The following DAB2IP variants were observed in gnomAD, a reference collection of about 807,000 sequenced individuals.
DAB2IP encodes DAB2 interacting protein, also known as disabled homolog 2-interacting protein.
A neutral mutation model predicts 107.2 loss-of-function variants in DAB2IP; 28 were observed. That is an observed-to-expected ratio of 0.26 (90% CI 0.19 to 0.36). The LOEUF (loss-of-function observed/expected upper bound fraction) is 0.36. DAB2IP is among the 10% of genes least tolerant of loss of function. The pLI, the probability that DAB2IP is intolerant of heterozygous loss-of-function variation, is 1.00. For missense variants in DAB2IP, 1,400 were observed against 1,644.7 expected, an observed-to-expected ratio of 0.85 and a Z score of 2.57; for synonymous variants, 755 against 706.4, an observed-to-expected ratio of 1.07 and a Z score of -1.09.
chr9:121,784,589 G>A (rs1439511947), exon 16 of DAB2IP: 2 of 154,872 alleles, frequency 1.3e-5, no homozygotes, highest in African/African-American at 4.8e-5. Flanking sequence ...TTAATTGCAA[G>A]TCTGCCGATT....
intron 6 of DAB2IP, among the ~76,000 whole-genome samples, chr9:121,763,216 G>GT (rs918689195): frequency 6.6e-6 from 1 of 152,196 alleles, no homozygotes; most frequent in Non-Finnish European, 1.5e-5. Context: ...CTCTGTGGTG[G>GT]TGGGGGCTTG....
At chr9:121,624,839 T>G (rs1215543586) in intron 1 of DAB2IP, among the ~76,000 whole-genome samples, 1 of 152,234 alleles carries the variant, frequency 6.6e-6, no homozygotes, top group Non-Finnish European at 1.5e-5. Context: ...ACTGAGAAAG[T>G]TAAAAGACAG....
intron 13 of DAB2IP, among the ~76,000 whole-genome samples, chr9:121,775,022 TCACTCTGCCACA>T (rs1199648725): frequency 6.6e-6 from 1 of 152,186 alleles, no homozygotes; most frequent in Admixed American, 6.5e-5. Flanking sequence ...AATGAAACTC[TCACTCTGCCACA>T]CACTCTGCCA....
intron 4 of DAB2IP, among the ~76,000 whole-genome samples, 197 bp from the exon 5 acceptor site, chr9:121,758,701 G>A (rs1833663958): frequency 6.6e-6 from 1 of 152,146 alleles, no homozygotes; most frequent in South Asian, 2.1e-4. Flanking sequence ...GACTTGCCCT[G>A]GGACAGTGGC....
chr9:121,725,644 T>C (rs1831201332), intron 3 of DAB2IP, among the ~76,000 whole-genome samples: 1 of 151,646 alleles, frequency 6.6e-6, no homozygotes, highest in Admixed American at 6.6e-5. Context: ...GAGAAGGGAG[T>C]GAGGACTCTA....
At chr9:121,603,675 C>A (rs150714739) in intron 1 of DAB2IP, among the ~76,000 whole-genome samples, 1 of 152,162 alleles carries the variant, frequency 6.6e-6, no homozygotes. Flanking sequence ...ACCTGGGCCA[C>A]GATCAGGCTG....
At position 121,651,828 on chromosome 9, in the gene DAB2IP, ACCGGCTGCTGAGGCGGCC is replaced by A. The variant is rs1436893737; in HGVS notation, c.62_79del (p.Leu21_Leu26del). On this transcript the variant is annotated inframe_deletion, in exon 1 of 16. Transcript: ENST00000408936. The surrounding 1 kb of genome is among the most constrained non-coding windows in gnomAD (Gnocchi z 5.1). ...AGCACCGGGAGGTCCTCCTACTACT[ACCGGCTGCTGAGGCGGCC>A]CCGGCTGCAGCGACAGAGGAGCCGC... 2 of 1,470,614 alleles carry A rather than the reference ACCGGCTGCTGAGGCGGCC, an allele frequency of 1.4e-6. No individual in the cohort carries two copies. The highest frequency in any genetic ancestry group is 1.4e-5 in the African/African-American group (1 of 69,068). 91.1% of individuals were successfully genotyped at this position (1,470,614 alleles called of 1,614,324 possible).
Position 121,670,989 on chromosome 9 carries a change from A to G in DAB2IP, c.125-7689A>G, listed in dbSNP as rs566920668. 4.3e-4 allele frequency among the ~76,000 whole-genome samples: 65 copies of G among 152,250 alleles called. 1 individual carries two copies. The South Asian group carries it at 0.012, about 28-fold the overall frequency. ...AACATGGTGAAACCCCGTCTCTACTAAAAATACAAAAATTAGCTGAGCATG... is the reference window on the plus strand; with the variant it reads ...AACATGGTGAAACCCCGTCTCTACTGAAAATACAAAAATTAGCTGAGCATG... On this transcript the variant is annotated intron_variant, in intron 1 of 15. Transcript: ENST00000408936.
intron 11 of DAB2IP, among the ~76,000 whole-genome samples, chr9:121,771,160 C>T (rs549220424): frequency 7.2e-5 from 11 of 152,200 alleles, no homozygotes; most frequent in East Asian, 3.9e-4. Flanking sequence ...AATAGGAATT[C>T]GGTGGCTCTG....
intron 3 of DAB2IP, among the ~76,000 whole-genome samples, chr9:121,734,744 G>C (rs1328538063): frequency 3.3e-5 from 5 of 152,198 alleles, no homozygotes; most frequent in African/African-American, 1.2e-4. Flanking sequence ...GGAAATGAGG[G>C]GGCTAGTAAA....
Position 121,782,764 on chromosome 9 carries a change from A to AG in DAB2IP, c.*271dup, listed in dbSNP as rs1293394119. On this transcript the variant is annotated 3_prime_UTR_variant, in exon 16 of 16. Transcript: ENST00000408936. The surrounding 1 kb of genome is among the most constrained non-coding windows in gnomAD (Gnocchi z 6.1). Reference sequence around the variant, plus strand: ...GGGAGTGGGGACAGCCTGATGGGGCAGGGGGCCTGCCAAAAATATGTCTGT... The same window carrying AG: ...GGGAGTGGGGACAGCCTGATGGGGCAGGGGGGCCTGCCAAAAATATGTCTGT... The AG allele has an allele frequency of 2.3e-6, 3 of 1,326,510 alleles. No individual in the cohort carries two copies. The highest frequency in any genetic ancestry group is 2.9e-6 in the Non-Finnish European group (3 of 1,036,712). 82.2% of individuals were successfully genotyped at this position (1,326,510 alleles called of 1,614,324 possible).
chr9:121,706,945 T>C (rs1336275740), intron 3 of DAB2IP, among the ~76,000 whole-genome samples: 1 of 152,144 alleles, frequency 6.6e-6, no homozygotes, highest in Non-Finnish European at 1.5e-5. Context: ...CCCACAAAGG[T>C]TCCTGGCACC....
At chr9:121,687,899 GA>G (rs1193233558) in intron 2 of DAB2IP, among the ~76,000 whole-genome samples, 1 of 152,188 alleles carries the variant, frequency 6.6e-6, no homozygotes, top group Non-Finnish European at 1.5e-5. Context: ...TCTTACGGAC[GA>G]GGATGTTGAG....
At chr9:121,758,771 T>C in intron 4 of DAB2IP, 127 bp from the exon 5 acceptor site, 1 of 775,612 alleles carries the variant, frequency 1.3e-6, no homozygotes, top group Non-Finnish European at 2.2e-6. Flanking sequence ...TTGTCCTGGC[T>C]CCTTCCTGAA....
Position 121,634,549 on chromosome 9 carries a change from T to C in DAB2IP, c.41-44129T>C, listed in dbSNP as rs1832011643. On this transcript the variant is annotated intron_variant, in intron 1 of 16. Transcript: ENST00000259371. This position sits in a 1 kb window ranked among gnomAD's most constrained non-coding sequence, Gnocchi z 4.7. ...CAAGCCTGGGCAGGTGCAGCCTCGG[T>C]GCGCAGTTTGGAAGGGGTGACGCGC... 6.6e-6 allele frequency among the ~76,000 whole-genome samples: 1 copy of C among 152,034 alleles called. No individual in the cohort carries two copies.
intron 3 of DAB2IP, among the ~76,000 whole-genome samples, chr9:121,738,463 A>G (rs75620807): frequency 0.03 from 4,586 of 152,272 alleles, 242 homozygotes; most frequent in African/African-American, 0.1. Flanking sequence ...AACATCAGAC[A>G]TCAGAGCCCT....
intron 1 of DAB2IP, among the ~76,000 whole-genome samples, chr9:121,576,372 T>TCTCTC (rs1271394190): frequency 6.6e-6 from 1 of 152,044 alleles, no homozygotes; most frequent in East Asian, 1.9e-4. Flanking sequence ...CTCCCTTACC[T>TCTCTC]TTGCACTTGC....
intron 1 of DAB2IP, among the ~76,000 whole-genome samples, chr9:121,613,672 T>C (rs1428231706): frequency 6.6e-6 from 1 of 152,212 alleles, no homozygotes; most frequent in Non-Finnish European, 1.5e-5. Context: ...ATGTGGTTTT[T>C]GGTGTTTGGG....
At chr9:121,629,326 A>C (rs754280113) in intron 1 of DAB2IP, among the ~76,000 whole-genome samples, 9 of 152,248 alleles carry the variant, frequency 5.9e-5, no homozygotes, top group Non-Finnish European at 1.0e-4. Context: ...CTGATGGCAG[A>C]GGGTGGTGGG....
Sources: gnomAD v4.1 joint callset for allele counts (sites outside exome capture counted in the v4.1 genomes callset) on GRCh38, gnomAD v4.1.1 for gene constraint, Gnocchi (gnomAD v3.1) non-coding constraint, MANE v1.5 for transcripts, NCBI Gene and HGNC (gene_info 2026-07-23, HGNC 2026-07-21) for gene names.